The following LOXL2 variants were observed in gnomAD, a reference collection of about 807,000 sequenced individuals.
LOXL2 encodes the protein lysyl oxidase homolog 2.
In LOXL2, 70 loss-of-function variants were observed where a neutral mutation model predicts 93.0. The ratio of observed to expected loss-of-function variants is 0.75; its 90% CI spans 0.62 to 0.92. LOXL2 has a LOEUF of 0.92. Ranked by LOEUF, LOXL2 falls within the 40% of genes least tolerant of loss-of-function variation. The probability of loss-of-function intolerance (pLI) is 0.00; values close to 1 mark genes in which losing one functional copy is unlikely to be tolerated. For synonymous variants in LOXL2, 438 were observed against 413.2 expected (o/e 1.06, Z -0.73); for missense variants, 973 against 1,054.9 (o/e 0.92, Z 1.08).
rs1471675752 is a variant in LOXL2, at chr8:23,333,744, G to C, written c.744-121C>G. ...TCCTGGAGCTCAGCCCTGCTTCACA[G>C]AGGGTCCCAGCTCAGTCCATTCTGC... On this transcript the variant is annotated intron_variant, in intron 4 of 13. Coordinates refer to ENST00000389131, the MANE Select transcript of LOXL2 (RefSeq NM_002318.3). The C allele has an allele frequency of 3.9e-6, 3 of 760,738 alleles. No individual in the cohort carries two copies. The African/African-American group carries it at 5.2e-5, about 13-fold the overall frequency. 47.1% of individuals were successfully genotyped at this position (760,738 alleles called of 1,614,324 possible).
chr8:23,342,629 C>T (rs1335329018), intron 3 of LOXL2, among the ~76,000 whole-genome samples: 2 of 152,168 alleles, frequency 1.3e-5, no homozygotes, highest in African/African-American at 4.8e-5. Context: ...GACAGGGTTT[C>T]ACCATGTTAG....
At chr8:23,363,877 A>C (rs186003778) in intron 2 of LOXL2, 2 of 152,024 alleles carry the variant, frequency 1.3e-5, no homozygotes, top group Non-Finnish European at 2.9e-5. Flanking sequence ...TCATAACAAA[A>C]TTTTTTTTGT....
chr8:23,362,852 G>A (rs1458896189), intron 2 of LOXL2, among the ~76,000 whole-genome samples: 1 of 152,104 alleles, frequency 6.6e-6, no homozygotes, highest in African/African-American at 2.4e-5. Context: ...AAGTGCCACT[G>A]CAAAATGAAA....
At chr8:23,301,574 G>A (rs185502365) in intron 12 of LOXL2, among the ~76,000 whole-genome samples, 1 of 152,216 alleles carries the variant, frequency 6.6e-6, no homozygotes, top group Non-Finnish European at 1.5e-5. Flanking sequence ...CTAAGTCACA[G>A]ATATTTGCAA....
At chr8:23,344,319 C>T (rs1419156436) in intron 3 of LOXL2, among the ~76,000 whole-genome samples, 1 of 152,092 alleles carries the variant, frequency 6.6e-6, no homozygotes, top group African/African-American at 2.4e-5. Context: ...ATTCTTCCAC[C>T]GACTCACTGC....
intron 5 of LOXL2, 147 bp downstream of exon 5, chr8:23,333,254 C>A: frequency 1.4e-6 from 1 of 690,754 alleles, no homozygotes; most frequent in Non-Finnish European, 2.5e-6. Flanking sequence ...CTGCAGAGGG[C>A]GCTCAGGTCT....
chr8:23,387,951 A>G (rs1804788783), intron 1 of LOXL2, among the ~76,000 whole-genome samples: 1 of 152,230 alleles, frequency 6.6e-6, no homozygotes, highest in Non-Finnish European at 1.5e-5. Context: ...CTCTGTCTCA[A>G]ACAAACAAAC....
Position 23,354,932 on chromosome 8 carries a change from A to AATAT in LOXL2, c.531+5154_531+5157dup, listed in dbSNP as rs770424807. Among the ~76,000 whole-genome samples the AATAT allele has an allele frequency of 2.1e-3, 125 of 59,180 alleles. 3 individuals carry two copies. The highest frequency in any genetic ancestry group is 4.5e-3 in the Admixed American group (18 of 4,040). The allele number at this position is 59,180 out of a possible 152,430, so 38.8% of individuals were successfully genotyped here. On this transcript the variant is annotated intron_variant, in intron 3 of 13. Transcript: ENST00000389131. ...TCTCCGCCTTGGCTCTGGGAGTTGG[A>AATAT]ATATATATATATATATATTTTTTTT... is the stretch of plus-strand genomic sequence containing the variant.
intron 1 of LOXL2, chr8:23,385,719 G>A (rs922880748): frequency 1.1e-5 from 6 of 564,532 alleles, no homozygotes; most frequent in African/African-American, 9.4e-5. Context: ...CGTAATGAGA[G>A]CCACATATGA....
intron 1 of LOXL2, among the ~76,000 whole-genome samples, chr8:23,371,833 C>T (rs978670198): frequency 6.2e-5 from 9 of 145,432 alleles, no homozygotes; most frequent in South Asian, 2.2e-4. Flanking sequence ...AAATGGAGCT[C>T]AAGTGGTTTG....
In LOXL2 at chr8:23,333,566, G is replaced by C. The variant is rs1803740997; in HGVS notation, c.801C>G (p.Gly267=). ...RYWPFSMDCT[G]TEAHISSCKL... ...TGCAGCTGGAGATGTGGGCCTCTGT[G>C]CCGGTGCAGTCCATGGAGAATGGCC... Residue 267 remains glycine, a synonymous_variant, in exon 5 of 14, where the codon GGC becomes GGG. Coordinates refer to ENST00000389131, the MANE Select transcript of LOXL2 (RefSeq NM_002318.3). 1 of 1,613,924 alleles carries C rather than the reference G, an allele frequency of 6.2e-7. No individual in the cohort carries two copies. The highest frequency in any genetic ancestry group is 8.5e-7 in the Non-Finnish European group (1 of 1,180,050).
chr8:23,383,810 G>A (rs552746591), intron 1 of LOXL2, among the ~76,000 whole-genome samples: 11 of 151,572 alleles, frequency 7.3e-5, no homozygotes, highest in South Asian at 2.1e-4. Flanking sequence ...ACAGGCGCCC[G>A]CCACCACGCC....
At chr8:23,347,754 A>G (rs1448336413) in intron 3 of LOXL2, among the ~76,000 whole-genome samples, 2 of 152,204 alleles carry the variant, frequency 1.3e-5, no homozygotes, top group African/African-American at 2.4e-5. Context: ...GGATAGCTTG[A>G]GGCCAGGAGT....
chr8:23,298,988 G>A, intron 12 of LOXL2, 41 bp from the exon 13 acceptor site: 1 of 1,206,990 alleles, frequency 8.3e-7, no homozygotes, highest in South Asian at 1.2e-5. Context: ...TGTTCCCTCT[G>A]CGGCCACCTC....
chr8:23,300,226 G>A (rs373256031), intron 12 of LOXL2, among the ~76,000 whole-genome samples: 2 of 152,362 alleles, frequency 1.3e-5, no homozygotes, highest in East Asian at 3.9e-4. Context: ...TACGTGTGGG[G>A]TGGAGGCGGG....
intron 1 of LOXL2, among the ~76,000 whole-genome samples, chr8:23,391,201 C>T (rs151252189): frequency 1.8e-4 from 27 of 150,858 alleles, no homozygotes; most frequent in Admixed American, 1.1e-3. Context: ...CATATCAATG[C>T]CTGTTGGGTT....
At chr8:23,309,474 A>C (rs1177146129) in intron 10 of LOXL2, among the ~76,000 whole-genome samples, 194 bp downstream of exon 10, 1 of 152,194 alleles carries the variant, frequency 6.6e-6, no homozygotes, top group East Asian at 1.9e-4. Context: ...GGCCAGGGGA[A>C]CTTGGAGTGG....
At chr8:23,344,682 ATG>A (rs1467542166) in intron 3 of LOXL2, among the ~76,000 whole-genome samples, 3 of 130,580 alleles carry the variant, frequency 2.3e-5, no homozygotes, top group Non-Finnish European at 4.8e-5. Flanking sequence ...CTCTCCCTGT[ATG>A]TGTCTATGTC....
At chr8:23,316,251 G>A (rs577420309) in intron 9 of LOXL2, among the ~76,000 whole-genome samples, 2 of 152,344 alleles carry the variant, frequency 1.3e-5, no homozygotes, top group African/African-American at 4.8e-5. Context: ...AGACCACAGA[G>A]GCTGACACGC....
Sources: gnomAD v4.1 joint callset for allele counts (sites outside exome capture counted in the v4.1 genomes callset) on GRCh38, gnomAD v4.1.1 for gene constraint, MANE v1.5 for transcripts, NCBI Gene and HGNC (gene_info 2026-07-23, HGNC 2026-07-21) for gene names.